RBFOX1: variants seen among roughly 807,000 people sequenced by gnomAD.
RBFOX1 encodes RNA binding protein fox-1 homolog 1.
Under a neutral mutation model 57.7 loss-of-function variants are expected in RBFOX1, and 8 were observed. The observed-to-expected ratio is 0.14, with a 90% CI of 0.08 to 0.25. The LOEUF is 0.25. Among genes scored for constraint, RBFOX1 ranks in the 10% least tolerant of loss-of-function variants. The probability of loss-of-function intolerance (pLI) is 1.00; values close to 1 mark genes in which losing one functional copy is unlikely to be tolerated. For synonymous variants in RBFOX1, 326 were observed against 222.4 expected (o/e 1.47, Z -4.15); for missense variants, 611 against 548.5 (o/e 1.11, Z -1.14).
In RBFOX1 at chr16:6,808,276, C is replaced by T. The variant is rs545895945; in HGVS notation, c.-16+153626C>T. 4.6e-5 allele frequency among the ~76,000 whole-genome samples: 7 copies of T among 151,484 alleles called. 1 individual carries two copies. Among genetic ancestry groups the T allele is most frequent in the Admixed American group, 4.0e-4 (6 of 15,154 alleles). ...TGATGCCCCATCACTTTGGAATTAC[C>T]TCTTATCTTTTTCTCTCCTGCCTTT... On this transcript the variant is annotated intron_variant, in intron 3 of 15. Transcript: ENST00000550418.
Position 7,454,096 on chromosome 16 carries a change from G to C in RBFOX1, c.28-64051G>C, listed in dbSNP as rs376221998. The stretch of plus-strand genomic sequence containing the variant: ...AAAAATACAAAAATTAGCTGAGTGT[G>C]GTGGCCCATGCCTGTAATCCCAGCT... On this transcript the variant is annotated intron_variant, in intron 4 of 15. Transcript: ENST00000550418. Among the ~76,000 whole-genome samples, 6 of 152,288 alleles carry C rather than the reference G, an allele frequency of 3.9e-5. No individual in the cohort carries two copies. In the South Asian group the frequency reaches 8.3e-4, roughly 21 times the overall value.
intron 7 of RBFOX1, among the ~76,000 whole-genome samples, chr16:7,593,916 G>A (rs917306381): frequency 6.6e-6 from 1 of 152,118 alleles, no homozygotes; most frequent in African/African-American, 2.4e-5. Context: ...GTCTTCTGTG[G>A]CTGATGAGCC....
chr16:7,181,529 C>CCTTGCTCTCTCTCT (rs1233825812), intron 4 of RBFOX1, among the ~76,000 whole-genome samples: 6 of 151,046 alleles, frequency 4.0e-5, no homozygotes, highest in African/African-American at 1.5e-4. Context: ...CTCTTCCCTC[C>CCTTGCTCTCTCTCT]CTTGCTCTCT....
intron 3 of RBFOX1, among the ~76,000 whole-genome samples, chr16:5,677,695 A>G (rs114756010): frequency 2.6e-5 from 4 of 152,356 alleles, no homozygotes; most frequent in East Asian, 3.9e-4. Context: ...GGGTCCTTCT[A>G]TCAAGTCTGA....
intron 1 of RBFOX1, among the ~76,000 whole-genome samples, chr16:6,300,861 T>C (rs1424781607): frequency 2.0e-5 from 3 of 152,194 alleles, no homozygotes; most frequent in Non-Finnish European, 4.4e-5. Context: ...CTGTGCCTTC[T>C]ATTAGCTATT....
chr16:6,148,004 C>G (rs1422388614), intron 1 of RBFOX1, among the ~76,000 whole-genome samples: 1 of 152,220 alleles, frequency 6.6e-6, no homozygotes, highest in African/African-American at 2.4e-5. Flanking sequence ...TCAGACCCTC[C>G]CTTTGGCAGA....
chr16:7,663,951 T>G (rs554028822), intron 12 of RBFOX1, among the ~76,000 whole-genome samples: 1 of 152,168 alleles, frequency 6.6e-6, no homozygotes, highest in African/African-American at 2.4e-5. Flanking sequence ...GGGGAATCAT[T>G]CCCTAACCCC....
intron 14 of RBFOX1, among the ~76,000 whole-genome samples, chr16:7,693,060 G>T (rs1488259251): frequency 6.6e-6 from 1 of 151,980 alleles, no homozygotes; most frequent in Admixed American, 6.6e-5. Flanking sequence ...GGCATGTTTT[G>T]GTAACACATA....
intron 3 of RBFOX1, among the ~76,000 whole-genome samples, chr16:7,024,237 G>A (rs747881828): frequency 1.3e-5 from 2 of 151,998 alleles, no homozygotes; most frequent in African/African-American, 2.4e-5. Context: ...CACTCATATC[G>A]TGCTCTGGAC....
At chr16:6,534,035 C>G (rs2096701135) in intron 2 of RBFOX1, among the ~76,000 whole-genome samples, 1 of 152,102 alleles carries the variant, frequency 6.6e-6, no homozygotes, top group Non-Finnish European at 1.5e-5. Context: ...AGCTGTGGCT[C>G]TGGACTTAAA....
intron 2 of RBFOX1, among the ~76,000 whole-genome samples, chr16:6,479,891 A>G (rs2095344638): frequency 6.6e-6 from 1 of 151,770 alleles, no homozygotes; most frequent in Admixed American, 6.6e-5. Context: ...CTCTACTAAA[A>G]ATACAAAAAA....
intron 2 of RBFOX1, among the ~76,000 whole-genome samples, chr16:6,369,661 C>T (rs886130733): frequency 3.9e-5 from 6 of 152,170 alleles, no homozygotes; most frequent in African/African-American, 1.4e-4. Flanking sequence ...ACCCTCCAAC[C>T]TATACCTCAT....
At chr16:7,511,322 C>T (rs1392495464) in intron 4 of RBFOX1, among the ~76,000 whole-genome samples, 2 of 152,172 alleles carry the variant, frequency 1.3e-5, no homozygotes, top group Non-Finnish European at 2.9e-5. Flanking sequence ...TTAAACCACT[C>T]AGGGCAACGA....
intron 1 of RBFOX1, among the ~76,000 whole-genome samples, chr16:6,150,410 G>T (rs4786826): frequency 0.38 from 57,547 of 151,760 alleles, 11,381 homozygotes; most frequent in Non-Finnish European, 0.44. Context: ...AAACAACAGT[G>T]CCCAGGTGAG....
intron 2 of RBFOX1, among the ~76,000 whole-genome samples, chr16:6,406,793 G>A (rs2093296613): frequency 6.6e-6 from 1 of 152,116 alleles, no homozygotes; most frequent in Admixed American, 6.5e-5. Context: ...CTGGGGTCAG[G>A]ATCCATTCAG....
rs1268636797 is a variant in RBFOX1, at chr16:5,658,531, C to T, written c.318+59570C>T. 2.0e-5 allele frequency among the ~76,000 whole-genome samples: 3 copies of T among 152,116 alleles called. No individual in the cohort carries two copies. The South Asian group carries it at 6.2e-4, about 32-fold the overall frequency. The stretch of plus-strand genomic sequence containing the variant: ...TTTAACTCACTCTGTATGGGTCATT[C>T]GTTCTCTGGGTATTACCTGGAATAC... On this transcript the variant is annotated intron_variant, in intron 3 of 19. Transcript: ENST00000641259.
intron 2 of RBFOX1, among the ~76,000 whole-genome samples, chr16:6,350,230 A>C (rs865842165): frequency 3.1e-4 from 47 of 152,078 alleles, no homozygotes; most frequent in African/African-American, 1.1e-3. Context: ...TGAGGTCGGG[A>C]GTTCGAGACC....
chr16:7,440,228 A>G (rs1016058859), intron 4 of RBFOX1, among the ~76,000 whole-genome samples: 1 of 152,130 alleles, frequency 6.6e-6, no homozygotes, highest in African/African-American at 2.4e-5. Flanking sequence ...AATTCATGCC[A>G]CTGTGGCCTG....
chr16:6,773,184 G>GTC (rs1567183637), intron 3 of RBFOX1, among the ~76,000 whole-genome samples: 1 of 94,800 alleles, frequency 1.1e-5, no homozygotes, highest in East Asian at 4.3e-4. Context: ...GTGTGTGTGT[G>GTC]TGGGCATGGG....
Sources: gnomAD v4.1 joint callset for allele counts (sites outside exome capture counted in the v4.1 genomes callset) on GRCh38, gnomAD v4.1.1 for gene constraint, MANE v1.5 for transcripts, NCBI Gene and HGNC (gene_info 2026-07-23, HGNC 2026-07-21) for gene names.